Variants in NFKBIZ observed in about 807,000 individuals in gnomAD.
NFKBIZ encodes NF-kappa-B inhibitor zeta.
In NFKBIZ, 19 loss-of-function variants were observed where a neutral mutation model predicts 76.8. That is an observed-to-expected ratio of 0.25 (90% confidence interval 0.17 to 0.36). The LOEUF (loss-of-function observed/expected upper bound fraction) is 0.36. Ranked by LOEUF, NFKBIZ falls within the 10% of genes least tolerant of loss-of-function variation. The pLI, the probability that NFKBIZ is intolerant of heterozygous loss-of-function variation, is 1.00. For synonymous variants in NFKBIZ, 368 were observed against 354.8 expected, an observed-to-expected ratio of 1.04 and a Z score of -0.42; for missense variants, 829 against 910.9, an observed-to-expected ratio of 0.91 and a Z score of 1.16.
chr3:101,836,026 A>G (rs1245938891), intron 2 of NFKBIZ, among the ~76,000 whole-genome samples: 1 of 152,246 alleles, frequency 6.6e-6, no homozygotes, highest in East Asian at 1.9e-4. Context: ...ACACTTTTCT[A>G]TAGTGGAATG....
At chr3:101,835,451 C>T (rs368808188) in intron 2 of NFKBIZ, among the ~76,000 whole-genome samples, 4 of 152,178 alleles carry the variant, frequency 2.6e-5, no homozygotes, top group East Asian at 1.9e-4. Context: ...CCACAGGCTG[C>T]GTGGCTTAAA....
chr3:101,859,582 G>C lies in NFKBIZ; in HGVS notation c.*211G>C. The C allele has an allele frequency of 5.2e-6, 2 of 383,104 alleles. No individual in the cohort carries two copies. Among genetic ancestry groups the C allele is most frequent in the South Asian group, 1.0e-4 (2 of 19,320 alleles). The allele number at this position is 383,104 out of a possible 1,614,324, so 23.7% of individuals were successfully genotyped here. ...GGCAGATTTGCATATTTCATACCCA[G>C]GTATCTGGGATCTAGACATCTGAAT... On this transcript the variant is annotated 3_prime_UTR_variant, in exon 12 of 12. Transcript: ENST00000326172.
upstream of NFKBIZ, chr3:101,849,034 G>A (rs1366570569): frequency 6.6e-6 from 1 of 152,606 alleles, no homozygotes. Flanking sequence ...GGCAGGCAGA[G>A]GGGTGCGGGG....
In NFKBIZ at chr3:101,854,835, C is replaced by T. The variant is rs927359536; in HGVS notation, c.1443+152C>T. 5.3e-6 allele frequency: 4 copies of T among 756,984 alleles called. No individual in the cohort carries two copies. In the African/African-American group the frequency reaches 5.3e-5, roughly 10 times the overall value. 46.9% of individuals were successfully genotyped at this position (756,984 alleles called of 1,614,324 possible). A position where few individuals can be genotyped will look rare whatever the true frequency, so the allele number is the denominator to read the frequency against. On this transcript the variant is annotated intron_variant, in intron 6 of 11. Coordinates refer to ENST00000326172, the MANE Select transcript of NFKBIZ (RefSeq NM_031419.4). Reference sequence around the variant, plus strand: ...ATGTTGACTTTTTGCTACCATCAACCTTGAAGTTATTAATGTTAACTTTGT... The same window carrying T: ...ATGTTGACTTTTTGCTACCATCAACTTTGAAGTTATTAATGTTAACTTTGT...
intron 11 of NFKBIZ, 110 bp downstream of exon 11, chr3:101,857,569 C>T: frequency 6.6e-7 from 1 of 1,517,448 alleles, no homozygotes; most frequent in Non-Finnish European, 8.8e-7. Flanking sequence ...CAGGTGGACT[C>T]TATCAGTGTC....
rs9847696 is a variant in NFKBIZ, at chr3:101,832,442, A to G, written c.-12+2754A>G. 1.0e-3 allele frequency among the ~76,000 whole-genome samples: 157 copies of G among 152,238 alleles called. 1 individual carries two copies. The highest frequency in any genetic ancestry group is 3.6e-3 in the African/African-American group (149 of 41,522). The stretch of plus-strand genomic sequence containing the variant: ...TCATCTTCCCTTTGACTGAAACTGC[A>G]TATCCATTAAACAATAATTCTACAT... On this transcript the variant is annotated intron_variant, in intron 2 of 12. Transcript: ENST00000394054.
At chr3:101,835,947 C>G (rs1223592284) in intron 2 of NFKBIZ, among the ~76,000 whole-genome samples, 1 of 152,098 alleles carries the variant, frequency 6.6e-6, no homozygotes, top group Non-Finnish European at 1.5e-5. Context: ...TACTCTTAAA[C>G]ATAAAGGTAG....
rs769236508 is a variant in NFKBIZ, at chr3:101,852,214, A to G, written c.419A>G (p.Asp140Gly). 1.9e-6 allele frequency: 3 copies of G among 1,614,112 alleles called. No homozygotes were observed. Among genetic ancestry groups the G allele is most frequent in the South Asian group, 1.1e-5 (1 of 91,082 alleles). ...HKQKASGQAV[D>G]DFKTQGVNIE... is the part of the protein sequence containing the mutation. ...CAGAAGGCTTCTGGCCAAGCTGTGG[A>G]TGATTTTAAGGTGACATCTATTTTT... The change falls in exon 2 of 12, where the codon GAT (aspartate) becomes GGT (glycine). Residue 140 changes from aspartate (D) to glycine (G), a missense_variant. This residue lies in a region of NFKBIZ where 371 missense variants were observed against 332.3 expected (regional missense o/e 1.12). Transcript: ENST00000326172.
chr3:101,857,747 A>G (rs1184492490), intron 11 of NFKBIZ: 4 of 985,332 alleles, frequency 4.1e-6, no homozygotes, highest in African/African-American at 3.5e-5. Flanking sequence ...AGGTTCGGAA[A>G]GAGAAGATAC....
At position 101,852,915 on chromosome 3, in the gene NFKBIZ, A is replaced by G. The variant is rs772661070; in HGVS notation, c.490A>G (p.Lys164Glu). 1.2e-6 allele frequency: 2 copies of G among 1,614,160 alleles called. No individual in the cohort carries two copies. Among genetic ancestry groups the G allele is most frequent in the Non-Finnish European group, 1.7e-6 (2 of 1,179,996 alleles). The change falls in exon 4 of 12, where the codon AAA becomes GAA. Residue 164 changes from lysine to glutamate, a missense_variant. This residue lies in a region of NFKBIZ where 371 missense variants were observed against 332.3 expected (regional missense o/e 1.12). Coordinates refer to ENST00000326172, the MANE Select transcript of NFKBIZ (RefSeq NM_031419.4). Reference protein sequence around the residue: ...ELKNTVSYSGKRKGPDSLSDG... With the variant: ...ELKNTVSYSGERKGPDSLSDG... ...GAAGAACACAGTATCATACAGTGGG[A>G]AAAGGAAAGGGCCCGATTCGTTGTC...
At chr3:101,831,064 G>GAT (rs1322308058) in intron 2 of NFKBIZ, among the ~76,000 whole-genome samples, 2 of 152,148 alleles carry the variant, frequency 1.3e-5, no homozygotes, top group Non-Finnish European at 2.9e-5. Context: ...AAGACTTTTG[G>GAT]ATATGTTTTA....
At chr3:101,836,001 G>T (rs773011370) in intron 2 of NFKBIZ, among the ~76,000 whole-genome samples, 14 of 152,202 alleles carry the variant, frequency 9.2e-5, no homozygotes, top group Non-Finnish European at 1.9e-4. Context: ...GACCATTTCG[G>T]AGAGGGAACT....
At chr3:101,855,363 A>T (rs1225669145) in intron 7 of NFKBIZ, 32 bp from the exon 8 acceptor site, 1 of 1,612,594 alleles carries the variant, frequency 6.2e-7, no homozygotes, top group Non-Finnish European at 8.5e-7. Flanking sequence ...CAGCTTATGT[A>T]GCTAACAGAT....
chr3:101,851,507 G>C (rs940796288), intron 1 of NFKBIZ, among the ~76,000 whole-genome samples: 1 of 152,218 alleles, frequency 6.6e-6, no homozygotes, highest in Admixed American at 6.5e-5. Context: ...CTAAGACGTT[G>C]TTAATTGTCA....
intron 2 of NFKBIZ, among the ~76,000 whole-genome samples, chr3:101,833,326 T>G (rs545961156): frequency 1.3e-5 from 2 of 152,184 alleles, no homozygotes; most frequent in Non-Finnish European, 2.9e-5. Flanking sequence ...ATAGGAATTG[T>G]GTGAGTTCTG....
chr3:101,852,597 T>C (rs939591302), intron 2 of NFKBIZ, 141 bp from the exon 3 acceptor site: 14 of 612,600 alleles, frequency 2.3e-5, no homozygotes, highest in South Asian at 9.6e-5. Context: ...AAAATTGATA[T>C]AGAAAATCAA....
At chr3:101,851,822 T>G (rs1942970112) in intron 1 of NFKBIZ, among the ~76,000 whole-genome samples, 1 of 152,232 alleles carries the variant, frequency 6.6e-6, no homozygotes, top group African/African-American at 2.4e-5. Context: ...GTTTACCTAT[T>G]GGCTCTGAGG....
Position 101,855,862 on chromosome 3 carries a change from T to G in NFKBIZ, c.1784T>G (p.Ile595Ser). ...AAGAATAAGAGTCTGGTTGATACCA[T>G]TAAGTGCCTAATTCAAATGGGAGCA... ...LLKNKSLVDT[I>S]KCLIQMGAAV... Residue 595 changes from isoleucine (I) to serine (S), a missense_variant, in exon 9 of 12, where the codon ATT becomes AGT. Around this residue, in one of 4 missense-constraint regions of NFKBIZ, gnomAD observed 272 missense variants for 384.2 expected, o/e 0.71. Transcript: ENST00000326172. 6.2e-7 allele frequency: 1 copy of G among 1,612,506 alleles called. No individual in the cohort carries two copies. The highest frequency in any genetic ancestry group is 2.2e-5 in the East Asian group (1 of 44,880).
rs539840555 is a variant in NFKBIZ, at chr3:101,849,992, G to A, written c.289+75G>A. On this transcript the variant is annotated intron_variant, in intron 1 of 11. Transcript: ENST00000326172. ...AGGTTGGGAGCGGGACTCCCCAGAT[G>A]GAGGGTGGCCCCTGCGCCCTCCTTA... is the stretch of plus-strand genomic sequence containing the variant. 7.5e-5 allele frequency: 96 copies of A among 1,281,408 alleles called. 1 individual carries two copies. The South Asian group carries it at 1.4e-3, about 19-fold the overall frequency. The allele number at this position is 1,281,408 out of a possible 1,614,324, so 79.4% of individuals were successfully genotyped here. A position where few individuals can be genotyped will look rare whatever the true frequency, so the allele number is the denominator to read the frequency against.
Sources: gnomAD v4.1 joint callset for allele counts (sites outside exome capture counted in the v4.1 genomes callset) on GRCh38, gnomAD v4.1.1 for gene constraint, gnomAD v4.1.1 regional missense constraint, MANE v1.5 for transcripts, NCBI Gene and HGNC (gene_info 2026-07-23, HGNC 2026-07-21) for gene names.